FOXP1: variants seen among roughly 807,000 people sequenced by gnomAD.
The protein encoded by FOXP1 is forkhead box P1.
Under a neutral mutation model 98.2 loss-of-function variants are expected in FOXP1, and 15 were observed. That is an observed-to-expected ratio of 0.15 (90% confidence interval 0.10 to 0.24). The LOEUF is 0.24. FOXP1 is among the 10% of genes least tolerant of loss of function. FOXP1 has a pLI of 1.00. For missense variants in FOXP1, 633 were observed against 848.5 expected (o/e 0.75, Z 3.15); for synonymous variants, 371 against 314.5 (o/e 1.18, Z -1.90).
intron 3 of FOXP1, among the ~76,000 whole-genome samples, chr3:71,491,612 G>C (rs1360347657): frequency 6.6e-6 from 1 of 152,084 alleles, no homozygotes; most frequent in Non-Finnish European, 1.5e-5. Flanking sequence ...CAGGAGGCTG[G>C]ATTTTTTTTT....
intron 4 of FOXP1, among the ~76,000 whole-genome samples, chr3:71,312,137 C>A (rs1299290422): frequency 6.6e-6 from 1 of 152,184 alleles, no homozygotes; most frequent in East Asian, 1.9e-4. Flanking sequence ...GGTGAAGGGA[C>A]ACTTAATGGA....
chr3:71,113,700 A>T (rs971455772), intron 6 of FOXP1, among the ~76,000 whole-genome samples: 3 of 149,358 alleles, frequency 2.0e-5, no homozygotes, highest in Non-Finnish European at 3.0e-5. Context: ...GTAACAGAAT[A>T]AGCTTCCATC....
chr3:71,433,877 G>A (rs976112441), intron 3 of FOXP1, among the ~76,000 whole-genome samples: 1 of 152,338 alleles, frequency 6.6e-6, no homozygotes, highest in Non-Finnish European at 1.5e-5. Context: ...TGATGGCACA[G>A]GGAAGCTTAG....
rs10642015 is a variant in FOXP1, at chr3:71,293,479, T to TAA, written c.-12+6339_-12+6340dup. On this transcript the variant is annotated intron_variant, in intron 5 of 20. Transcript: ENST00000649528. ...GGCAACACAGCCAGACCCCATTTCT[T>TAA]AAAAAAAAAAAAAAGATAGATAAAA... Among the ~76,000 whole-genome samples the TAA allele has an allele frequency of 1.8e-4, 26 of 143,170 alleles. 1 individual carries two copies. The highest frequency in any genetic ancestry group is 1.1e-3 in the South Asian group (5 of 4,494). The allele number at this position is 143,170 out of a possible 152,430, so 93.9% of individuals were successfully genotyped here.
At chr3:71,221,209 G>A (rs777627290) in intron 5 of FOXP1, among the ~76,000 whole-genome samples, 20 of 152,250 alleles carry the variant, frequency 1.3e-4, no homozygotes, top group Middle Eastern at 3.4e-3. Context: ...ATTGTGAAAC[G>A]TGCATGAGAG....
intron 3 of FOXP1, among the ~76,000 whole-genome samples, chr3:71,481,457 A>G (rs758185431): frequency 1.3e-5 from 2 of 152,186 alleles, no homozygotes; most frequent in Non-Finnish European, 2.9e-5. Flanking sequence ...CCTGGAATGC[A>G]TTTATTTTTC....
chr3:71,452,412 G>A (rs1396486100), intron 3 of FOXP1, among the ~76,000 whole-genome samples: 1 of 152,168 alleles, frequency 6.6e-6, no homozygotes, highest in Non-Finnish European at 1.5e-5. Context: ...CACGTACAAT[G>A]ATACCTTATT....
chr3:71,425,551 C>A (rs1037232419), intron 3 of FOXP1, among the ~76,000 whole-genome samples: 1 of 152,142 alleles, frequency 6.6e-6, no homozygotes, highest in Non-Finnish European at 1.5e-5. Context: ...TGGTGTATAA[C>A]CGTCTCCTCA....
In FOXP1 at chr3:71,087,885, A is replaced by C. The variant is rs2055306582; in HGVS notation, c.282+24651T>G. Among the ~76,000 whole-genome samples, 3 of 152,198 alleles carry C rather than the reference A, an allele frequency of 2.0e-5. No homozygotes were observed. The South Asian group carries it at 6.2e-4, about 32-fold the overall frequency. On this transcript the variant is annotated intron_variant, in intron 7 of 20. Coordinates refer to ENST00000649528, the MANE Select transcript of FOXP1 (RefSeq NM_001349338.3). ...AAAGCGACTCATGTGAAACAAACAA[A>C]AATACCTGTTTGCATGTATAAGTTT...
chr3:71,111,894 C>T (rs200953924), intron 7 of FOXP1, among the ~76,000 whole-genome samples: 1 of 152,004 alleles, frequency 6.6e-6, no homozygotes, highest in South Asian at 2.1e-4. Flanking sequence ...ATAATCATTA[C>T]AAGCCATAAT....
chr3:71,064,005 C>T (rs965005692), intron 7 of FOXP1, among the ~76,000 whole-genome samples: 2 of 152,170 alleles, frequency 1.3e-5, no homozygotes, highest in African/African-American at 4.8e-5. Flanking sequence ...GTTGAGTTAG[C>T]TACATTCAGA....
chr3:71,374,768 T>G (rs78941063), intron 3 of FOXP1, among the ~76,000 whole-genome samples: 2,076 of 152,290 alleles, frequency 0.014, 47 homozygotes, highest in African/African-American at 0.048. Context: ...TACTTGCCAA[T>G]TTTAAAGAGC....
At chr3:71,146,478 G>A (rs1388413714) in intron 6 of FOXP1, among the ~76,000 whole-genome samples, 1 of 151,422 alleles carries the variant, frequency 6.6e-6, no homozygotes, top group African/African-American at 2.4e-5. Context: ...AGTTAAGGGG[G>A]AAGAATACAT....
intron 3 of FOXP1, among the ~76,000 whole-genome samples, chr3:71,459,665 T>A (rs2087833327): frequency 6.6e-6 from 1 of 152,220 alleles, no homozygotes; most frequent in Non-Finnish European, 1.5e-5. Context: ...TTCAAAATCA[T>A]ATTATTTTAG....
At chr3:71,024,790 G>C (rs1426616964) in intron 11 of FOXP1, among the ~76,000 whole-genome samples, 1 of 152,230 alleles carries the variant, frequency 6.6e-6, no homozygotes, top group Non-Finnish European at 1.5e-5. Flanking sequence ...ATTGTGCTCT[G>C]AGATGTGAGG....
intron 13 of FOXP1, among the ~76,000 whole-genome samples, chr3:70,990,832 G>A (rs185501670): frequency 4.6e-4 from 70 of 152,232 alleles, no homozygotes; most frequent in African/African-American, 1.1e-3. Context: ...GGGTGAAAAC[G>A]GTTAAGGATG....
chr3:71,016,952 A>C (rs1198147476), intron 11 of FOXP1, among the ~76,000 whole-genome samples: 1 of 152,106 alleles, frequency 6.6e-6, no homozygotes, highest in Non-Finnish European at 1.5e-5. Context: ...AATCTAATAT[A>C]ATTTAAAGAT....
chr3:71,282,105 A>G (rs2071634654), intron 5 of FOXP1, among the ~76,000 whole-genome samples: 1 of 152,064 alleles, frequency 6.6e-6, no homozygotes, highest in Non-Finnish European at 1.5e-5. Flanking sequence ...TGAAAAAAAA[A>G]AATCTAAGCT....
chr3:70,965,394 T>G (rs1189624001), intron 20 of FOXP1, among the ~76,000 whole-genome samples: 1 of 152,230 alleles, frequency 6.6e-6, no homozygotes, highest in Non-Finnish European at 1.5e-5. Context: ...CTTTTGATAT[T>G]TTAAGAGCAA....
Sources: gnomAD v4.1 joint callset for allele counts (sites outside exome capture counted in the v4.1 genomes callset) on GRCh38, gnomAD v4.1.1 for gene constraint, MANE v1.5 for transcripts, NCBI Gene and HGNC (gene_info 2026-07-23, HGNC 2026-07-21) for gene names.